DACH2: variants seen among roughly 807,000 people sequenced by gnomAD.
DACH2 encodes dachshund homolog 2.
Under a neutral mutation model 35.8 loss-of-function variants are expected in DACH2, and 17 were observed. The observed-to-expected ratio is 0.48, with a 90% confidence interval of 0.33 to 0.71. The LOEUF is 0.71. Among genes scored for constraint, DACH2 ranks in the 30% least tolerant of loss-of-function variants. The pLI, the probability that DACH2 is intolerant of heterozygous loss-of-function variation, is 0.02. For synonymous variants in DACH2, 195 were observed against 177.3 expected, an observed-to-expected ratio of 1.10 and a Z score of -0.79; for missense variants, 469 against 472.7, an observed-to-expected ratio of 0.99 and a Z score of 0.07.
At chrX:86,162,670 A>G (rs1483871927) in intron 1 of DACH2, among the ~76,000 whole-genome samples, 2 of 111,142 alleles carry the variant, frequency 1.8e-5, no homozygotes, top group Admixed American at 9.6e-5. Context: ...TTAATAAAAC[A>G]TTTGTATACG....
At chrX:86,243,573 T>G (rs185666819) in intron 1 of DACH2, among the ~76,000 whole-genome samples, 37 of 111,647 alleles carry the variant, frequency 3.3e-4, no homozygotes, top group African/African-American at 1.1e-3. Context: ...TATCTTGATT[T>G]GGTAAATTGC....
intron 7 of DACH2, among the ~76,000 whole-genome samples, chrX:86,765,456 C>T (rs986448544): frequency 2.0e-4 from 22 of 110,950 alleles, no homozygotes; most frequent in African/African-American, 7.2e-4. Flanking sequence ...ATATGGCTAG[C>T]CAGTTACCCC....
intron 2 of DACH2, among the ~76,000 whole-genome samples, chrX:86,492,016 G>C (rs1224587668): frequency 9.0e-6 from 1 of 111,239 alleles, no homozygotes; most frequent in African/African-American, 3.3e-5. Flanking sequence ...CTTAATATGA[G>C]ACTTATCCTC....
intron 2 of DACH2, among the ~76,000 whole-genome samples, chrX:86,456,751 A>G (rs2037482744): frequency 9.1e-6 from 1 of 110,461 alleles, no homozygotes; most frequent in Non-Finnish European, 1.9e-5. Context: ...TGCTTTTGTA[A>G]GGAAGATCTA....
rs1455530899 is a variant in DACH2 at position 86,282,922 on chromosome X, C to T, written c.489-93902C>T. On this transcript the variant is annotated intron_variant, in intron 1 of 11. Coordinates refer to ENST00000373125, the MANE Select transcript of DACH2 (RefSeq NM_053281.3). ...CCTCCCAAGTAGCTGGGACTACAGG[C>T]GCCCGCCACTACGCCCGGCTAATTT... 4.7e-5 allele frequency among the ~76,000 whole-genome samples: 2 copies of T among 42,334 alleles called. 1 individual carries two copies. Among genetic ancestry groups the T allele is most frequent in the Non-Finnish European group, 7.1e-5 (2 of 28,190 alleles). The allele number at this position is 42,334 out of a possible 115,157, so 36.8% of individuals were successfully genotyped here. A position where few individuals can be genotyped will look rare whatever the true frequency, so the allele number is the denominator to read the frequency against.
intron 4 of DACH2, among the ~76,000 whole-genome samples, chrX:86,690,711 A>G (rs751648658): frequency 8.9e-6 from 1 of 112,268 alleles, no homozygotes; most frequent in Non-Finnish European, 1.9e-5. Flanking sequence ...CCCATAGTGA[A>G]TCACTTTATT....
chrX:86,401,142 A>G (rs1602480137), intron 2 of DACH2, among the ~76,000 whole-genome samples: 1 of 112,107 alleles, frequency 8.9e-6, no homozygotes, highest in East Asian at 2.8e-4. Flanking sequence ...TGTGCTAGCA[A>G]TGATTGAGGC....
intron 1 of DACH2, among the ~76,000 whole-genome samples, chrX:86,250,182 C>T (rs2033370913): frequency 9.0e-6 from 1 of 111,399 alleles, no homozygotes; most frequent in African/African-American, 3.3e-5. Context: ...CAAACTTGCA[C>T]ATGTACTTCG....
intron 7 of DACH2, among the ~76,000 whole-genome samples, chrX:86,802,678 G>A (rs1320007544): frequency 9.0e-6 from 1 of 110,918 alleles, no homozygotes; most frequent in East Asian, 2.8e-4. Context: ...TGGGGAATAT[G>A]GGCAACATGG....
intron 1 of DACH2, among the ~76,000 whole-genome samples, chrX:86,213,942 T>A (rs2032508321): frequency 9.0e-6 from 1 of 111,178 alleles, no homozygotes. Flanking sequence ...GTGTATAGCA[T>A]CTCTATGTTT....
intron 11 of DACH2, among the ~76,000 whole-genome samples, chrX:86,824,353 C>T (rs1046520245): frequency 8.9e-6 from 1 of 111,882 alleles, no homozygotes; most frequent in African/African-American, 3.2e-5. Flanking sequence ...TTTGCCCAAC[C>T]CCACAGGTAG....
intron 1 of DACH2, among the ~76,000 whole-genome samples, chrX:86,373,156 G>T (rs2035914893): frequency 9.0e-6 from 1 of 110,530 alleles, no homozygotes; most frequent in South Asian, 3.8e-4. Context: ...TGTGTTTTTG[G>T]TAGAAAAATT....
chrX:86,820,324 T>C (rs1050313564), intron 11 of DACH2, among the ~76,000 whole-genome samples: 3 of 112,192 alleles, frequency 2.7e-5, no homozygotes, highest in Non-Finnish European at 5.6e-5. Flanking sequence ...TATTTTCCTC[T>C]GATATTTTTT....
intron 4 of DACH2, among the ~76,000 whole-genome samples, chrX:86,655,811 A>G (rs149146064): frequency 0.035 from 3,884 of 111,473 alleles, 183 homozygotes; most frequent in African/African-American, 0.12. Context: ...GTGACAATAT[A>G]GAGAAAGAAA....
intron 3 of DACH2, among the ~76,000 whole-genome samples, chrX:86,516,471 T>A (rs1391541836): frequency 8.9e-6 from 1 of 111,827 alleles, no homozygotes; most frequent in African/African-American, 3.3e-5. Flanking sequence ...TTATATATAC[T>A]TCATTTAATC....
intron 1 of DACH2, among the ~76,000 whole-genome samples, chrX:86,190,727 C>T (rs1439347424): frequency 9.0e-6 from 1 of 111,222 alleles, no homozygotes; most frequent in Non-Finnish European, 1.9e-5. Context: ...GGTGGATCAC[C>T]TGAGGTCGGG....
At chrX:86,285,131 C>A (rs1013709657) in intron 1 of DACH2, among the ~76,000 whole-genome samples, 2 of 111,138 alleles carry the variant, frequency 1.8e-5, no homozygotes, top group African/African-American at 6.5e-5. Flanking sequence ...AAAATATCAG[C>A]CTTTTGTTTC....
chrX:86,454,686 A>T (rs2037442262), intron 2 of DACH2, among the ~76,000 whole-genome samples: 2 of 111,266 alleles, frequency 1.8e-5, no homozygotes, highest in Admixed American at 9.6e-5. Flanking sequence ...ATTTGTCATG[A>T]TTCTTAGCTT....
chrX:86,547,266 G>A (rs754760348), intron 3 of DACH2, among the ~76,000 whole-genome samples: 1 of 111,408 alleles, frequency 9.0e-6, no homozygotes, highest in Non-Finnish European at 1.9e-5. Context: ...AATGTGCATG[G>A]CAATTAAATG....
Sources: gnomAD v4.1 joint callset for allele counts (sites outside exome capture counted in the v4.1 genomes callset) on GRCh38, gnomAD v4.1.1 for gene constraint, MANE v1.5 for transcripts, NCBI Gene and HGNC (gene_info 2026-07-23, HGNC 2026-07-21) for gene names.